The following CCND3 variants were observed in gnomAD, a reference collection of about 807,000 sequenced individuals.
CCND3 encodes the protein G1/S-specific cyclin-D3.
A neutral mutation model predicts 28.7 loss-of-function variants in CCND3; 9 were observed. The ratio of observed to expected loss-of-function variants is 0.31; its 90% CI spans 0.19 to 0.55. The LOEUF (loss-of-function observed/expected upper bound fraction) is 0.55, where lower values mean the gene tolerates loss of function less well. Ranked by LOEUF, CCND3 falls within the 20% of genes least tolerant of loss-of-function variation. CCND3 has a pLI of 0.93. For synonymous variants in CCND3, 164 were observed against 163.9 expected (o/e 1.00, Z 0.00); for missense variants, 315 against 385.8 (o/e 0.82, Z 1.54).
chr6:42,027,823 C>T (rs879311956), intron 1 of CCND3, among the ~76,000 whole-genome samples: 17 of 152,134 alleles, frequency 1.1e-4, no homozygotes, highest in African/African-American at 2.2e-4. Flanking sequence ...TCTCAGCTCA[C>T]GGCAACCTCC....
chr6:42,048,303 C>T lies in CCND3; in HGVS notation c.-46+198G>A, dbSNP rs1343729220. ...TGTGTACATACAGAGGGCTCAGGGC[C>T]TTTGGGGGTTTCTCTGCCCTTCAAT... On this transcript the variant is annotated intron_variant, in intron 1 of 4. Coordinates refer to the CCND3 transcript ENST00000372988. This position sits in a 1 kb window ranked among gnomAD's most constrained non-coding sequence, Gnocchi z 4.7. The T allele has an allele frequency of 3.1e-6, 1 of 319,406 alleles. No individual in the cohort carries two copies. Among genetic ancestry groups the T allele is most frequent in the Non-Finnish European group, 6.2e-6 (1 of 162,254 alleles). 19.8% of individuals were successfully genotyped at this position (319,406 alleles called of 1,614,324 possible).
intron 1 of CCND3, among the ~76,000 whole-genome samples, chr6:41,993,846 C>T (rs1214432105): frequency 1.3e-5 from 2 of 149,694 alleles, no homozygotes; most frequent in African/African-American, 4.9e-5. Context: ...TAGCTTGAAC[C>T]CGGGAGGTGG....
At chr6:41,965,840 T>C (rs1582114849) in intron 1 of CCND3, among the ~76,000 whole-genome samples, 6 of 152,340 alleles carry the variant, frequency 3.9e-5, no homozygotes, top group African/African-American at 1.4e-4. Context: ...TCGGAGCCTT[T>C]GTGTCTCTTT....
intron 1 of CCND3, among the ~76,000 whole-genome samples, chr6:41,946,903 G>A (rs1270194084): frequency 1.3e-5 from 2 of 151,180 alleles, no homozygotes; most frequent in African/African-American, 2.4e-5. Flanking sequence ...TGGCCAACAT[G>A]GCAAAACCCC....
At chr6:41,995,336 C>T (rs114899211) in intron 1 of CCND3, among the ~76,000 whole-genome samples, 9,646 of 152,088 alleles carry the variant, frequency 0.063, 475 homozygotes, top group Middle Eastern at 0.11. Context: ...CAGCGCGCTG[C>T]CACCTCCACC....
chr6:42,046,764 G>A (rs1358026883), intron 1 of CCND3, among the ~76,000 whole-genome samples: 1 of 152,104 alleles, frequency 6.6e-6, no homozygotes, highest in Non-Finnish European at 1.5e-5. Flanking sequence ...CTATGGCTCA[G>A]CTAACAGATG....
At chr6:41,992,453 C>A (rs1762677776) in intron 1 of CCND3, among the ~76,000 whole-genome samples, 1 of 143,868 alleles carries the variant, frequency 7.0e-6, no homozygotes, top group Non-Finnish European at 1.5e-5. Context: ...TGAGCCACCA[C>A]ACCCAGCCGG....
In CCND3 at chr6:41,935,661, C is replaced by G; in HGVS notation, c.*279G>C. On this transcript the variant is annotated 3_prime_UTR_variant, in exon 5 of 5. Transcript: ENST00000372991. The stretch of plus-strand genomic sequence containing the variant: ...GGAATGCTGGTGTATGTATCCAATT[C>G]TGTCCCATCAGCCTGGCCCACCCCC... 1 of 530,804 alleles carries G rather than the reference C, an allele frequency of 1.9e-6. No homozygotes were observed. Among genetic ancestry groups the G allele is most frequent in the Non-Finnish European group, 3.4e-6 (1 of 294,710 alleles). The allele number at this position is 530,804 out of a possible 1,614,324, so 32.9% of individuals were successfully genotyped here.
chr6:41,938,045 T>G lies in CCND3; in HGVS notation c.415-651A>C, dbSNP rs1775865761. ...AGCACCCCACCCCACCCCCTTTAGC[T>G]GGAACCCGTAGTGCCCCATGCCACT... On this transcript the variant is annotated intron_variant, in intron 2 of 4. Transcript: ENST00000372991. This position sits in a 1 kb window ranked among gnomAD's most constrained non-coding sequence, Gnocchi z 4.6. The G allele has an allele frequency of 6.5e-6, 1 of 153,704 alleles. No individual in the cohort carries two copies. The highest frequency in any genetic ancestry group is 1.4e-5 in the Non-Finnish European group (1 of 69,228). 9.5% of individuals were successfully genotyped at this position (153,704 alleles called of 1,614,324 possible).
chr6:42,017,183 C>A (rs767328033), intron 1 of CCND3, among the ~76,000 whole-genome samples: 23 of 152,186 alleles, frequency 1.5e-4, no homozygotes, highest in Non-Finnish European at 2.8e-4. Flanking sequence ...TGTGCCCTGC[C>A]AGTACTCCCG....
At chr6:42,025,020 T>G (rs1479140628) in intron 1 of CCND3, among the ~76,000 whole-genome samples, 1 of 152,174 alleles carries the variant, frequency 6.6e-6, no homozygotes. Context: ...ATCATGCCAC[T>G]GCACTCCAGC....
chr6:41,954,261 A>AAAAAAAAAAAAAAAAAAAAAAAAAAC (rs1776385343), intron 1 of CCND3, among the ~76,000 whole-genome samples: 2 of 139,088 alleles, frequency 1.4e-5, no homozygotes, highest in Non-Finnish European at 3.1e-5. Context: ...AAAAAAAAAA[A>AAAAAAAAAAAAAAAAAAAAAAAAAAC]AAAAAAAAAA....
intron 1 of CCND3, among the ~76,000 whole-genome samples, chr6:42,015,916 G>A (rs1264047944): frequency 2.6e-5 from 4 of 151,548 alleles, no homozygotes; most frequent in African/African-American, 7.3e-5. Flanking sequence ...TATACAATAC[G>A]TTTTTATTTT....
At chr6:42,034,126 G>A (rs1226471318) in intron 1 of CCND3, among the ~76,000 whole-genome samples, 3 of 151,680 alleles carry the variant, frequency 2.0e-5, no homozygotes, top group Admixed American at 6.6e-5. Context: ...CCCCAGCCTG[G>A]ACTACAGAGC....
At position 41,964,402 on chromosome 6, in the gene CCND3, ATGTGTGTGTC is replaced by A. The variant is rs1476126848; in HGVS notation, c.-45-23827_-45-23818del. Among the ~76,000 whole-genome samples, 8 of 128,442 alleles carry A rather than the reference ATGTGTGTGTC, an allele frequency of 6.2e-5. No individual in the cohort carries two copies. In the East Asian group the frequency reaches 7.1e-4, roughly 11 times the overall value. The allele number at this position is 128,442 out of a possible 152,430, so 84.3% of individuals were successfully genotyped here. A position where few individuals can be genotyped will look rare whatever the true frequency, so the allele number is the denominator to read the frequency against. On this transcript the variant is annotated intron_variant, in intron 1 of 4. Coordinates refer to the CCND3 transcript ENST00000372988. Reference sequence around the variant, plus strand: ...TGTGAGTGTGTGTGTGCATGTGTGAATGTGTGTGTCTGTGTGTGAATGTGTTTGTGTGTAT... The same window carrying A: ...TGTGAGTGTGTGTGTGCATGTGTGAATGTGTGTGAATGTGTTTGTGTGTAT...
rs1775818300 is a variant in CCND3, at chr6:41,936,862, G to A, written c.575-167C>T. On this transcript the variant is annotated intron_variant, in intron 3 of 4. Coordinates refer to ENST00000372991, the MANE Select transcript of CCND3 (RefSeq NM_001760.5). The surrounding 1 kb of genome is among the most constrained non-coding windows in gnomAD (Gnocchi z 4.4). The stretch of plus-strand genomic sequence containing the variant: ...AGATATCAGCAAGGGAGGAAGACAG[G>A]AAAGAGTATCTTTCCTAGAGATCAG... 4.5e-6 allele frequency: 3 copies of A among 667,390 alleles called. No individual in the cohort carries two copies. The South Asian group carries it at 5.8e-5, about 13-fold the overall frequency. 41.3% of individuals were successfully genotyped at this position (667,390 alleles called of 1,614,324 possible). A position where few individuals can be genotyped will look rare whatever the true frequency, so the allele number is the denominator to read the frequency against.
At position 41,947,998 on chromosome 6, in the gene CCND3, G is replaced by A. The variant is rs78540588; in HGVS notation, c.-45-7413C>T. Among the ~76,000 whole-genome samples the A allele has an allele frequency of 1.5e-3, 234 of 152,126 alleles. 1 individual carries two copies. The highest frequency in any genetic ancestry group is 5.3e-3 in the African/African-American group (218 of 41,470). On this transcript the variant is annotated intron_variant, in intron 1 of 4. Coordinates refer to the CCND3 transcript ENST00000372988. ...GGCCACACGGTTCATGGAACACACC[G>A]GGCAGACATGTTCTCTTTGCACGTG...
chr6:42,028,173 T>G (rs372349231), intron 1 of CCND3, among the ~76,000 whole-genome samples: 1 of 152,216 alleles, frequency 6.6e-6, no homozygotes, highest in African/African-American at 2.4e-5. Flanking sequence ...GCTCTTACTA[T>G]GATGCTAAGC....
In CCND3 at chr6:42,048,358, A is replaced by C; in HGVS notation, c.-46+143T>G. On this transcript the variant is annotated intron_variant, in intron 1 of 4. Coordinates refer to the CCND3 transcript ENST00000372988. The surrounding 1 kb of genome is among the most constrained non-coding windows in gnomAD (Gnocchi z 4.7). ...TGCAGAACACCTCACTCAGTGGGAA[A>C]GTGAGCCAAGCTTTCGGTGCCAACT... is the stretch of plus-strand genomic sequence containing the variant. The C allele has an allele frequency of 2.9e-6, 1 of 342,938 alleles. No individual in the cohort carries two copies. The highest frequency in any genetic ancestry group is 5.8e-6 in the Non-Finnish European group (1 of 172,966). The allele number at this position is 342,938 out of a possible 1,614,324, so 21.2% of individuals were successfully genotyped here.
Sources: gnomAD v4.1 joint callset for allele counts (sites outside exome capture counted in the v4.1 genomes callset) on GRCh38, gnomAD v4.1.1 for gene constraint, Gnocchi (gnomAD v3.1) non-coding constraint, MANE v1.5 for transcripts, NCBI Gene and HGNC (gene_info 2026-07-23, HGNC 2026-07-21) for gene names.